The following PPA1 variants were observed in gnomAD, a reference collection of about 807,000 sequenced individuals.
PPA1 encodes inorganic pyrophosphatase 1, also known as inorganic pyrophosphatase.
In PPA1, 23 loss-of-function variants were observed where a neutral mutation model predicts 41.8. The ratio of observed to expected loss-of-function variants is 0.55; its 90% confidence interval spans 0.40 to 0.78. PPA1 has a LOEUF of 0.78. PPA1 is among the 30% of genes least tolerant of loss of function. PPA1 has a pLI of 0.00. For missense variants in PPA1, 320 were observed against 361.6 expected, an observed-to-expected ratio of 0.89 and a Z score of 0.93; for synonymous variants, 101 against 116.8, an observed-to-expected ratio of 0.86 and a Z score of 0.87.
intron 6 of PPA1, chr10:70,210,141 G>A (rs1840000306): frequency 9.6e-6 from 3 of 312,764 alleles, no homozygotes; most frequent in South Asian, 7.9e-5. Context: ...GAATGCAGTG[G>A]CCCGAACAAG....
intron 4 of PPA1, among the ~76,000 whole-genome samples, chr10:70,215,501 G>C (rs556302246): frequency 1.3e-5 from 2 of 151,672 alleles, no homozygotes; most frequent in African/African-American, 4.8e-5. Flanking sequence ...TTTTGCGACA[G>C]AGTCTTGCTC....
chr10:70,221,077 T>TAAATTATATATATATAA (rs1491245702), intron 2 of PPA1, among the ~76,000 whole-genome samples: 1 of 9,980 alleles, frequency 1.0e-4, no homozygotes, highest in African/African-American at 2.7e-4. Flanking sequence ...TATATATATA[T>TAAATTATATATATATAA]TTTTTTTTTT....
intron 6 of PPA1, 23 bp from the exon 7 acceptor site, chr10:70,209,708 AT>A (rs545376549): frequency 6.5e-5 from 102 of 1,566,254 alleles, no homozygotes; most frequent in Middle Eastern, 3.3e-4. Flanking sequence ...GAAGCATAAG[AT>A]GACAGTGAGA....
chr10:70,230,453 C>A, intron 1 of PPA1, 54 bp from the exon 2 acceptor site: 2 of 1,505,624 alleles, frequency 1.3e-6, no homozygotes, highest in South Asian at 1.2e-5. Context: ...TTGCTAAATG[C>A]CCACAGTACA....
intron 9 of PPA1, chr10:70,205,601 A>G (rs539292272): frequency 6.6e-6 from 1 of 152,254 alleles, no homozygotes; most frequent in African/African-American, 2.4e-5. Flanking sequence ...GGATTCATAC[A>G]TAAATAAAGA....
At chr10:70,218,966 A>AT in intron 2 of PPA1, 149 bp from the exon 3 acceptor site, 2 of 645,646 alleles carry the variant, frequency 3.1e-6, no homozygotes, top group Non-Finnish European at 5.5e-6. Flanking sequence ...AAAAAAGAGA[A>AT]TGATGGATGA....
intron 6 of PPA1, among the ~76,000 whole-genome samples, chr10:70,210,743 A>G (rs929664166): frequency 6.6e-6 from 1 of 151,518 alleles, no homozygotes; most frequent in African/African-American, 2.4e-5. Context: ...TTATATTTGT[A>G]TAAGATAACA....
rs145986232 is a variant in PPA1 at position 70,227,918 on chromosome 10, G to T, written c.123+2423C>A. 1.4e-4 allele frequency among the ~76,000 whole-genome samples: 22 copies of T among 152,180 alleles called. No individual in the cohort carries two copies. The East Asian group carries it at 4.2e-3, about 29-fold the overall frequency. Reference sequence around the variant, plus strand: ...CAATAGATTTTTTATACAAAAGAAAGAAAATCACACTCTAATGAATCAAGT... The same window carrying T: ...CAATAGATTTTTTATACAAAAGAAATAAAATCACACTCTAATGAATCAAGT... On this transcript the variant is annotated intron_variant, in intron 2 of 10. Coordinates refer to ENST00000373232, the MANE Select transcript of PPA1 (RefSeq NM_021129.4).
At position 70,221,076 on chromosome 10, in the gene PPA1, A is replaced by ATAT. The variant is rs1224550178; in HGVS notation, c.124-2260_124-2259insATA. On this transcript the variant is annotated intron_variant, in intron 2 of 10. Transcript: ENST00000373232. ...ATATAATTTATATATATATATATAT[A>ATAT]TTTTTTTTTTTTTTTTTTTGTAGAG... is the stretch of plus-strand genomic sequence containing the variant. Among the ~76,000 whole-genome samples the ATAT allele has an allele frequency of 4.7e-3, 189 of 40,024 alleles. 21 individuals carry two copies. In the East Asian group the frequency reaches 0.053, roughly 11 times the overall value. 26.3% of individuals were successfully genotyped at this position (40,024 alleles called of 152,430 possible). A position where few individuals can be genotyped will look rare whatever the true frequency, so the allele number is the denominator to read the frequency against.
rs756371397 is a variant in PPA1 at position 70,203,139 on chromosome 10, T to G, written c.*16A>C. 1 of 1,602,828 alleles carries G rather than the reference T, an allele frequency of 6.2e-7. No individual in the cohort carries two copies. The highest frequency in any genetic ancestry group is 1.7e-5 in the Admixed American group (1 of 59,946). On this transcript the variant is annotated 3_prime_UTR_variant, in exon 11 of 11. Transcript: ENST00000373232. ...CACGATGTAGCAATATCAGCTTGTA[T>G]TCCAGAGAAATCTCATTAGTTTTTC... is the stretch of plus-strand genomic sequence containing the variant.
chr10:70,221,722 C>T (rs1365455926), intron 2 of PPA1, among the ~76,000 whole-genome samples: 7 of 152,116 alleles, frequency 4.6e-5, no homozygotes, highest in African/African-American at 9.7e-5. Flanking sequence ...GGAGCTGTTA[C>T]GACATGAAAG....
At chr10:70,224,727 A>ATTTAT (rs151001162) in intron 2 of PPA1, among the ~76,000 whole-genome samples, 1 of 151,796 alleles carries the variant, frequency 6.6e-6, no homozygotes, top group South Asian at 2.1e-4. Context: ...TTTCTTATTT[A>ATTTAT]TTTATTTTAT....
At chr10:70,204,624 A>T in intron 10 of PPA1, 1 of 410,448 alleles carries the variant, frequency 2.4e-6, no homozygotes, top group South Asian at 4.2e-5. Context: ...TGACTGTAAC[A>T]TCTATTTCAA....
At position 70,213,418 on chromosome 10, in the gene PPA1, T is replaced by C. The variant is rs760320731; in HGVS notation, c.511+45A>G. ...CATTATAGGTTAAGTATGGTGGTGC[T>C]TATGAATTAATTAGAAAGACTTCAG... On this transcript the variant is annotated intron_variant, in intron 6 of 10. Transcript: ENST00000373232. The C allele has an allele frequency of 1.1e-5, 17 of 1,606,430 alleles. No individual in the cohort carries two copies. The East Asian group carries it at 3.1e-4, about 30-fold the overall frequency.
chr10:70,220,979 AC>A (rs1376424738), intron 2 of PPA1, among the ~76,000 whole-genome samples: 4 of 44,328 alleles, frequency 9.0e-5, no homozygotes, highest in African/African-American at 3.0e-4. Flanking sequence ...TTATATATAT[AC>A]TATATATATA....
intron 4 of PPA1, among the ~76,000 whole-genome samples, chr10:70,214,880 C>T (rs1183005782): frequency 3.9e-5 from 6 of 152,106 alleles, no homozygotes; most frequent in African/African-American, 1.4e-4. Flanking sequence ...CAAATATAGA[C>T]CCAAACGTTT....
At chr10:70,227,650 C>CAAAAAAAAAAAAA (rs11382289) in intron 2 of PPA1, among the ~76,000 whole-genome samples, 1 of 75,138 alleles carries the variant, frequency 1.3e-5, no homozygotes, top group Non-Finnish European at 2.4e-5. Flanking sequence ...AACCCTATCT[C>CAAAAAAAAAAAAA]AAAAAAAAAA....
chr10:70,203,820 C>T (rs755441924), intron 10 of PPA1: 2 of 152,330 alleles, frequency 1.3e-5, no homozygotes, highest in South Asian at 2.1e-4. Flanking sequence ...AGCCTGTGGC[C>T]AGGTGGGAAT....
chr10:70,232,211 C>G (rs1589900803), intron 1 of PPA1, among the ~76,000 whole-genome samples: 1 of 152,178 alleles, frequency 6.6e-6, no homozygotes, highest in Non-Finnish European at 1.5e-5. Context: ...CCTATTCATT[C>G]GTCTCCTCTA....
Sources: allele counts gnomAD v4.1 joint callset (sites outside exome capture counted in the v4.1 genomes callset), GRCh38; gene constraint gnomAD v4.1.1; transcripts MANE v1.5; gene names NCBI Gene and HGNC (gene_info 2026-07-23, HGNC 2026-07-21).